The following LYRM4 variants were observed in gnomAD, a reference collection of about 807,000 sequenced individuals.
LYRM4 encodes LYR motif-containing protein 4.
In LYRM4, 9 loss-of-function variants were observed where a neutral mutation model predicts 11.7. That is an observed-to-expected ratio of 0.77 (90% CI 0.46 to 1.34). LYRM4 has a LOEUF of 1.34. Among genes scored for constraint, LYRM4 ranks in the 40% most tolerant of loss-of-function variants. The pLI is 0.00. For missense variants in LYRM4, 133 were observed against 112.5 expected, an observed-to-expected ratio of 1.18 and a Z score of -0.82; for synonymous variants, 42 against 40.4, an observed-to-expected ratio of 1.04 and a Z score of -0.15.
chr6:5,182,322 G>A (rs1423233216), intron 2 of LYRM4, among the ~76,000 whole-genome samples: 1 of 152,202 alleles, frequency 6.6e-6, no homozygotes, highest in Non-Finnish European at 1.5e-5. Flanking sequence ...GTTTTGTAAT[G>A]ACTATTTTTG....
chr6:5,095,083 T>C, the LYRM4 span, among the ~76,000 whole-genome samples: 17,855 of 152,176 alleles, frequency 0.12, 1,158 homozygotes, highest in Middle Eastern at 0.19. Context: ...AAATAGCACA[T>C]GTAGCCCCAA....
At chr6:5,231,638 A>G (rs867940576) in intron 1 of LYRM4, among the ~76,000 whole-genome samples, 1 of 152,218 alleles carries the variant, frequency 6.6e-6, no homozygotes, top group African/African-American at 2.4e-5. Flanking sequence ...TGGCATTTCT[A>G]AAGTCTTGTC....
intron 2 of LYRM4, among the ~76,000 whole-genome samples, chr6:5,120,190 T>C (rs955630268): frequency 1.3e-5 from 2 of 152,114 alleles, no homozygotes; most frequent in Admixed American, 6.5e-5. Flanking sequence ...GCACGGTGCC[T>C]GGCCGGGAAT....
At chr6:5,057,618 G>C in the LYRM4 span, among the ~76,000 whole-genome samples, 1 of 151,934 alleles carries the variant, frequency 6.6e-6, no homozygotes, top group African/African-American at 2.4e-5. Flanking sequence ...GGGAGGCTGA[G>C]GCAGGGGAAT....
chr6:5,177,143 C>A (rs1759766928), intron 2 of LYRM4, among the ~76,000 whole-genome samples: 1 of 152,178 alleles, frequency 6.6e-6, no homozygotes, highest in Admixed American at 6.5e-5. Flanking sequence ...ACTCTCAAGG[C>A]CTCCTGTGTC....
intron 2 of LYRM4, among the ~76,000 whole-genome samples, chr6:5,146,066 A>G (rs1295523829): frequency 6.6e-6 from 1 of 152,202 alleles, no homozygotes; most frequent in African/African-American, 2.4e-5. Flanking sequence ...CATTGCTCCA[A>G]ATATTCGAAT....
chr6:5,055,664 C>T, the LYRM4 span, among the ~76,000 whole-genome samples: 9 of 152,186 alleles, frequency 5.9e-5, no homozygotes, highest in Non-Finnish European at 1.2e-4. This position sits in a 1 kb window ranked among gnomAD's most constrained non-coding sequence, Gnocchi z 4.5. Context: ...AATATACCTT[C>T]ACTCTACCCT....
At chr6:5,037,575 A>G in the LYRM4 span, among the ~76,000 whole-genome samples, 1 of 79,390 alleles carries the variant, frequency 1.3e-5, no homozygotes, top group Non-Finnish European at 3.0e-5. Flanking sequence ...CTCACTTCCC[A>G]GTAGGGGCGG....
chr6:5,176,775 G>A (rs1759744992), intron 2 of LYRM4, among the ~76,000 whole-genome samples: 1 of 152,172 alleles, frequency 6.6e-6, no homozygotes, highest in South Asian at 2.1e-4. Flanking sequence ...CTTTCACAGT[G>A]GTTAAAAGTT....
At chr6:5,051,445 C>A in the LYRM4 span, among the ~76,000 whole-genome samples, 8,862 of 152,150 alleles carry the variant, frequency 0.058, 845 homozygotes, top group African/African-American at 0.2. Context: ...ATCCCATACA[C>A]CGAATCCCTG....
At position 5,208,565 on chromosome 6, in the gene LYRM4, C is replaced by G. The variant is rs142333341; in HGVS notation, c.207+8053G>C. On this transcript the variant is annotated intron_variant, in intron 2 of 2. Transcript: ENST00000330636. ...AAGGAAAACTGTTGTATATGAAAGA[C>G]GCATAGGGACAGGCTTCTTTTAGAA... is the stretch of plus-strand genomic sequence containing the variant. 3.2e-3 allele frequency among the ~76,000 whole-genome samples: 488 copies of G among 152,286 alleles called. 3 individuals are homozygous for G. The highest frequency in any genetic ancestry group is 0.014 in the Middle Eastern group (4 of 294).
the LYRM4 span, chr6:5,085,513 T>C: frequency 1.3e-6 from 2 of 1,537,658 alleles, no homozygotes; most frequent in South Asian, 2.4e-5. Context: ...GCGGCTAAGT[T>C]TGGAGGCGCC....
intron 1 of LYRM4, chr6:5,236,564 C>T (rs1344981299): frequency 6.6e-6 from 1 of 152,040 alleles, no homozygotes; most frequent in Non-Finnish European, 1.5e-5. Flanking sequence ...ACTAACCCTA[C>T]AGACTTACAG....
intron 1 of LYRM4, among the ~76,000 whole-genome samples, chr6:5,217,302 T>C (rs992396917): frequency 3.3e-5 from 5 of 152,242 alleles, no homozygotes; most frequent in African/African-American, 1.2e-4. Flanking sequence ...CAGTTGAACC[T>C]GTGGAATTAG....
intron 1 of LYRM4, among the ~76,000 whole-genome samples, chr6:5,258,426 GATT>G (rs1296588325): frequency 6.6e-6 from 1 of 152,156 alleles, no homozygotes; most frequent in African/African-American, 2.4e-5. Flanking sequence ...TACCTCACAA[GATT>G]ATTGTCAAAA....
chr6:5,154,546 G>T (rs1362935735), intron 2 of LYRM4, among the ~76,000 whole-genome samples: 1 of 152,188 alleles, frequency 6.6e-6, no homozygotes, highest in Non-Finnish European at 1.5e-5. Flanking sequence ...GCCGGGCGCG[G>T]TGGCTCAAGC....
the LYRM4 span, among the ~76,000 whole-genome samples, chr6:5,068,319 GAC>G: frequency 6.6e-6 from 1 of 152,192 alleles, no homozygotes; most frequent in Non-Finnish European, 1.5e-5. This position sits in a 1 kb window ranked among gnomAD's most constrained non-coding sequence, Gnocchi z 4.0. Flanking sequence ...CAGCCAGCCA[GAC>G]ACAGTCAGGA....
the LYRM4 span, among the ~76,000 whole-genome samples, chr6:5,038,198 T>C: frequency 1.8e-5 from 1 of 55,398 alleles, no homozygotes; most frequent in African/African-American, 4.8e-5. Flanking sequence ...TCCCCACATC[T>C]CAGACGATGG....
At chr6:5,082,464 A>C in the LYRM4 span, among the ~76,000 whole-genome samples, 1 of 151,972 alleles carries the variant, frequency 6.6e-6, no homozygotes, top group Non-Finnish European at 1.5e-5. Flanking sequence ...TCAAGTCCAA[A>C]TCCTAAGGCA....
Sources: allele counts gnomAD v4.1 joint callset (sites outside exome capture counted in the v4.1 genomes callset), GRCh38; gene constraint gnomAD v4.1.1; non-coding constraint Gnocchi (gnomAD v3.1); transcripts MANE v1.5; gene names NCBI Gene and HGNC (gene_info 2026-07-23, HGNC 2026-07-21).